Variants in FRAS1 observed in about 807,000 individuals in gnomAD.
The protein encoded by FRAS1 is Fraser extracellular matrix complex subunit 1.
A neutral mutation model predicts 435.2 loss-of-function variants in FRAS1; 290 were observed. That is an observed-to-expected ratio of 0.67 (90% CI 0.61 to 0.73). The LOEUF is 0.73. Ranked by LOEUF, FRAS1 falls within the 30% of genes least tolerant of loss-of-function variation. The pLI is 0.00. For missense variants in FRAS1, 4,860 were observed against 5,001.5 expected (o/e 0.97, Z 0.85); for synonymous variants, 1,800 against 1,851.0 (o/e 0.97, Z 0.71).
intron 47 of FRAS1, among the ~76,000 whole-genome samples, chr4:78,454,330 A>T (rs916401116): frequency 6.6e-6 from 1 of 152,150 alleles, no homozygotes; most frequent in African/African-American, 2.4e-5. Context: ...GATGAGCTTT[A>T]AATGGTGGAG....
intron 70 of FRAS1, among the ~76,000 whole-genome samples, chr4:78,532,186 A>T (rs1013313936): frequency 1.4e-4 from 21 of 151,998 alleles, no homozygotes; most frequent in Non-Finnish European, 2.4e-4. Flanking sequence ...TATCTCCCTC[A>T]CTGTTCTCCA....
chr4:78,213,834 T>C lies in FRAS1; in HGVS notation c.109-23676T>C, dbSNP rs368587846. On this transcript the variant is annotated intron_variant, in intron 2 of 73. Transcript: ENST00000512123. ...CTCTATTGCTTTTGTTCAGTTTTCA[T>C]TGGTCATCACCTCTGTAACTTCCCA... Among the ~76,000 whole-genome samples the C allele has an allele frequency of 1.8e-3, 273 of 152,358 alleles. 1 individual carries two copies. The highest frequency in any genetic ancestry group is 6.0e-3 in the African/African-American group (250 of 41,580).
At chr4:78,340,961 G>T (rs565195833) in intron 20 of FRAS1, among the ~76,000 whole-genome samples, 3 of 152,122 alleles carry the variant, frequency 2.0e-5, no homozygotes, top group Non-Finnish European at 4.4e-5. Context: ...GAGGTACTGG[G>T]ATATGGCCTC....
chr4:78,115,297 T>G (rs564875496), intron 2 of FRAS1, among the ~76,000 whole-genome samples: 11 of 152,120 alleles, frequency 7.2e-5, no homozygotes, highest in East Asian at 1.9e-4. Flanking sequence ...TCTATTTTTT[T>G]GTTGTGTCTC....
At chr4:78,536,178 A>C (rs1578379680) in intron 71 of FRAS1, among the ~76,000 whole-genome samples, 1 of 138,218 alleles carries the variant, frequency 7.2e-6, no homozygotes, top group Non-Finnish European at 1.5e-5. Context: ...AGCATTCAGT[A>C]TTTTGTACAT....
At chr4:78,245,919 A>G (rs1330687882) in intron 4 of FRAS1, among the ~76,000 whole-genome samples, 4 of 152,166 alleles carry the variant, frequency 2.6e-5, no homozygotes, top group African/African-American at 9.7e-5. Context: ...AGATGCTAGT[A>G]GCATCCCTCA....
At chr4:78,121,289 C>T (rs28635454) in intron 2 of FRAS1, among the ~76,000 whole-genome samples, 33,037 of 152,136 alleles carry the variant, frequency 0.22, 3,950 homozygotes, top group Admixed American at 0.29. Context: ...TTTCTTTGAA[C>T]TATTTGGTCT....
At chr4:78,259,963 G>A (rs1159108422) in intron 6 of FRAS1, among the ~76,000 whole-genome samples, 3 of 152,112 alleles carry the variant, frequency 2.0e-5, no homozygotes, top group Non-Finnish European at 4.4e-5. Context: ...ATTAAATAGG[G>A]AATCCTTTCC....
intron 2 of FRAS1, among the ~76,000 whole-genome samples, chr4:78,212,168 A>G (rs1360959724): frequency 1.3e-5 from 2 of 152,224 alleles, no homozygotes; most frequent in African/African-American, 4.8e-5. Flanking sequence ...AATACTGGCT[A>G]AGTAATACTT....
intron 23 of FRAS1, among the ~76,000 whole-genome samples, chr4:78,371,720 C>CA (rs1731518358): frequency 6.6e-6 from 1 of 152,202 alleles, no homozygotes; most frequent in Non-Finnish European, 1.5e-5. Flanking sequence ...TATCCCATCC[C>CA]ATCTTCCATG....
chr4:78,430,781 G>T (rs1057134934), intron 37 of FRAS1, among the ~76,000 whole-genome samples: 1 of 152,050 alleles, frequency 6.6e-6, no homozygotes, highest in Non-Finnish European at 1.5e-5. Context: ...TTTGGTATGT[G>T]AATCTTCACA....
intron 2 of FRAS1, among the ~76,000 whole-genome samples, chr4:78,144,385 G>C (rs111717088): frequency 2.6e-4 from 39 of 151,938 alleles, no homozygotes; most frequent in African/African-American, 9.2e-4. Flanking sequence ...ATATTTCAAG[G>C]TCAACATTGC....
At chr4:78,147,989 A>T (rs1720487201) in intron 2 of FRAS1, among the ~76,000 whole-genome samples, 1 of 152,164 alleles carries the variant, frequency 6.6e-6, no homozygotes, top group Non-Finnish European at 1.5e-5. Context: ...TCTGGAAGTG[A>T]CCTTGGAAAT....
At chr4:78,530,166 G>T (rs367943704) in intron 70 of FRAS1, among the ~76,000 whole-genome samples, 1 of 151,856 alleles carries the variant, frequency 6.6e-6, no homozygotes, top group Non-Finnish European at 1.5e-5. Flanking sequence ...ATATATCTCG[G>T]TGCACATGTG....
intron 20 of FRAS1, 146 bp downstream of exon 20, chr4:78,337,963 C>T (rs397449): frequency 0.035 from 25,216 of 717,032 alleles, 1,137 homozygotes; most frequent in African/African-American, 0.18. Flanking sequence ...CATGTTACTG[C>T]TTCTCCTTGG....
intron 9 of FRAS1, among the ~76,000 whole-genome samples, chr4:78,275,093 C>G (rs1265233968): frequency 2.6e-5 from 4 of 151,982 alleles, no homozygotes; most frequent in Non-Finnish European, 4.4e-5. Flanking sequence ...TCTTTTTAAT[C>G]TTTCTTGGTT....
In FRAS1 at chr4:78,057,955, G is replaced by A. The variant is rs1367178599; in HGVS notation, c.-55G>A. 4 of 1,566,066 alleles carry A rather than the reference G, an allele frequency of 2.6e-6. No individual in the cohort carries two copies. The highest frequency in any genetic ancestry group is 1.4e-5 in the African/African-American group (1 of 73,878). On this transcript the variant is annotated 5_prime_UTR_variant, in exon 1 of 74. Coordinates refer to ENST00000512123, the MANE Select transcript of FRAS1 (RefSeq NM_025074.7). This position sits in a 1 kb window ranked among gnomAD's most constrained non-coding sequence, Gnocchi z 4.2. ...GCGCCGGAGCCAGCGTTTTGGCGGA[G>A]CCGCTTCTTGGATGCTGAAGGCTGG...
At chr4:78,522,874 G>A in intron 69 of FRAS1, 66 bp downstream of exon 69, 1 of 1,370,216 alleles carries the variant, frequency 7.3e-7, no homozygotes, top group African/African-American at 1.5e-5. Flanking sequence ...TCAGGAGCTT[G>A]GGAAATAGTG....
intron 18 of FRAS1, among the ~76,000 whole-genome samples, chr4:78,330,585 G>A (rs967587233): frequency 2.0e-5 from 3 of 152,134 alleles, no homozygotes; most frequent in Non-Finnish European, 2.9e-5. Context: ...TGCGCGCCTG[G>A]GGGGTCTCTG....
Sources: allele counts gnomAD v4.1 joint callset (sites outside exome capture counted in the v4.1 genomes callset), GRCh38; gene constraint gnomAD v4.1.1; non-coding constraint Gnocchi (gnomAD v3.1); transcripts MANE v1.5; gene names NCBI Gene and HGNC (gene_info 2026-07-23, HGNC 2026-07-21).